Variants in PKIB observed in about 807,000 individuals in gnomAD.
PKIB encodes the protein cAMP-dependent protein kinase inhibitor beta.
A neutral mutation model predicts 4.5 loss-of-function variants in PKIB; 2 were observed. That is an observed-to-expected ratio of 0.44 (90% CI 0.18 to 1.39). The LOEUF (loss-of-function observed/expected upper bound fraction) is 1.39. Ranked by LOEUF, PKIB falls within the 40% of genes most tolerant of loss-of-function variation. The pLI, the probability that PKIB is intolerant of heterozygous loss-of-function variation, is 0.27. For missense variants in PKIB, 94 were observed against 92.6 expected, an observed-to-expected ratio of 1.02 and a Z score of -0.06; for synonymous variants, 38 against 36.0, an observed-to-expected ratio of 1.06 and a Z score of -0.20.
At chr6:122,481,764 T>G (rs532743773) in intron 2 of PKIB, 3 of 152,154 alleles carry the variant, frequency 2.0e-5, no homozygotes, top group Non-Finnish European at 2.9e-5. Flanking sequence ...AGATATATAG[T>G]AAATTTTGTA....
chr6:122,681,070 A>G (rs1407320503), intron 3 of PKIB, among the ~76,000 whole-genome samples: 1 of 152,108 alleles, frequency 6.6e-6, no homozygotes, highest in East Asian at 1.9e-4. Flanking sequence ...TCCTACCTCA[A>G]TACCAGTTAA....
intron 1 of PKIB, among the ~76,000 whole-genome samples, chr6:122,614,278 C>T (rs1774890886): frequency 6.6e-6 from 1 of 152,166 alleles, no homozygotes; most frequent in Non-Finnish European, 1.5e-5. Context: ...AGTAGGATTT[C>T]TCAGATTGGA....
chr6:122,472,505 A>G (rs1047486169), intron 1 of PKIB, among the ~76,000 whole-genome samples: 1 of 152,202 alleles, frequency 6.6e-6, no homozygotes, highest in Admixed American at 6.5e-5. Flanking sequence ...CTTGCATATT[A>G]GGTGATGATG....
intron 2 of PKIB, among the ~76,000 whole-genome samples, chr6:122,516,814 C>T (rs141201581): frequency 2.0e-5 from 3 of 152,210 alleles, no homozygotes; most frequent in East Asian, 3.9e-4. Flanking sequence ...AGAAGAGACA[C>T]GGAGCAATGG....
intron 2 of PKIB, among the ~76,000 whole-genome samples, chr6:122,564,913 G>T (rs917721982): frequency 9.2e-5 from 14 of 152,114 alleles, no homozygotes; most frequent in Non-Finnish European, 1.9e-4. Context: ...ACAGCCTTGG[G>T]AGGTATGCAG....
In PKIB at chr6:122,499,496, G is replaced by A. The variant is rs115453599; in HGVS notation, c.-248+21557G>A. Among the ~76,000 whole-genome samples the A allele has an allele frequency of 5.0e-3, 754 of 152,202 alleles. 7 individuals carry two copies. The highest frequency in any genetic ancestry group is 0.017 in the African/African-American group (712 of 41,542). ...TCAGTAGACACAGAAAAAATCTCTTGATAAAATCCAGCATCCCTTCATGAA... is the reference window on the plus strand; with the variant it reads ...TCAGTAGACACAGAAAAAATCTCTTAATAAAATCCAGCATCCCTTCATGAA... On this transcript the variant is annotated intron_variant, in intron 2 of 6. Transcript: ENST00000392491.
chr6:122,538,098 G>A (rs1317865921), intron 2 of PKIB, among the ~76,000 whole-genome samples: 1 of 151,962 alleles, frequency 6.6e-6, no homozygotes, highest in Non-Finnish European at 1.5e-5. Context: ...AGATGAGTAG[G>A]TTGTGAAAAT....
intron 3 of PKIB, among the ~76,000 whole-genome samples, chr6:122,691,408 T>G (rs1294824908): frequency 1.3e-5 from 2 of 152,116 alleles, no homozygotes; most frequent in Non-Finnish European, 1.5e-5. Flanking sequence ...CTGACTGTAT[T>G]TTCAGATAAC....
At chr6:122,683,891 G>T (rs1485149227) in intron 3 of PKIB, among the ~76,000 whole-genome samples, 3 of 152,034 alleles carry the variant, frequency 2.0e-5, no homozygotes, top group African/African-American at 7.2e-5. Flanking sequence ...ATTTAAATCA[G>T]GATATTAAAG....
chr6:122,662,076 A>G (rs1777011337), intron 2 of PKIB, among the ~76,000 whole-genome samples: 1 of 151,934 alleles, frequency 6.6e-6, no homozygotes, highest in Non-Finnish European at 1.5e-5. Context: ...TTGTAGTTCT[A>G]TATATACTTA....
intron 2 of PKIB, among the ~76,000 whole-genome samples, chr6:122,520,421 T>C (rs1776896360): frequency 2.0e-5 from 3 of 152,186 alleles, no homozygotes; most frequent in African/African-American, 7.2e-5. Context: ...TTTAACACAA[T>C]AAATCATGAA....
chr6:122,698,616 A>G (rs1464618054), intron 3 of PKIB, among the ~76,000 whole-genome samples: 1 of 152,204 alleles, frequency 6.6e-6, no homozygotes, highest in Non-Finnish European at 1.5e-5. Flanking sequence ...TAGAGACTCC[A>G]GGAGGCATGA....
intron 3 of PKIB, among the ~76,000 whole-genome samples, chr6:122,707,988 A>C (rs1285919498): frequency 3.3e-5 from 5 of 152,008 alleles, no homozygotes; most frequent in African/African-American, 9.7e-5. Context: ...AAGTGGAAAG[A>C]CAATTATTTT....
At chr6:122,471,998 C>T in exon 1 of PKIB, 2 of 797,110 alleles carry the variant, frequency 2.5e-6, no homozygotes, top group East Asian at 3.0e-5. Flanking sequence ...GGAAACTTAA[C>T]GGCTAATGTG....
chr6:122,535,081 C>G (rs73547248), intron 2 of PKIB, among the ~76,000 whole-genome samples: 2,116 of 151,678 alleles, frequency 0.014, 54 homozygotes, highest in African/African-American at 0.049. Flanking sequence ...CTCAGCCTGT[C>G]CTCTCTCTCT....
At chr6:122,647,519 A>G (rs1229666003) in intron 2 of PKIB, among the ~76,000 whole-genome samples, 1 of 152,212 alleles carries the variant, frequency 6.6e-6, no homozygotes, top group East Asian at 1.9e-4. Context: ...ACCTAATGCA[A>G]TACAGCTATC....
intron 3 of PKIB, among the ~76,000 whole-genome samples, chr6:122,698,243 A>G (rs1398749118): frequency 1.3e-5 from 2 of 152,154 alleles, no homozygotes; most frequent in Non-Finnish European, 2.9e-5. Flanking sequence ...CCAGGTAGCC[A>G]AGGACTCTAG....
chr6:122,507,365 A>C (rs1458873404), intron 2 of PKIB, among the ~76,000 whole-genome samples: 1 of 152,206 alleles, frequency 6.6e-6, no homozygotes, highest in Non-Finnish European at 1.5e-5. Context: ...TTAACCATGT[A>C]ACAGGCCTAA....
intron 3 of PKIB, among the ~76,000 whole-genome samples, chr6:122,698,071 T>C (rs1778644176): frequency 6.6e-6 from 1 of 152,086 alleles, no homozygotes; most frequent in East Asian, 1.9e-4. Flanking sequence ...AGTGTGCCAA[T>C]TGTGCTGACC....
Sources: gnomAD v4.1 joint callset for allele counts (sites outside exome capture counted in the v4.1 genomes callset) on GRCh38, gnomAD v4.1.1 for gene constraint, MANE v1.5 for transcripts, NCBI Gene and HGNC (gene_info 2026-07-23, HGNC 2026-07-21) for gene names.